The following ADAMTS20 variants were observed in gnomAD, a reference collection of about 807,000 sequenced individuals.
ADAMTS20 encodes ADAM metallopeptidase with thrombospondin type 1 motif 20, also known as A disintegrin and metalloproteinase with thrombospondin motifs 20.
A neutral mutation model predicts 260.1 loss-of-function variants in ADAMTS20; 225 were observed. The observed-to-expected ratio is 0.87, with a 90% CI of 0.78 to 0.97. The LOEUF (loss-of-function observed/expected upper bound fraction) is 0.97, where lower values mean the gene tolerates loss of function less well. Ranked by LOEUF, ADAMTS20 falls within the 50% of genes least tolerant of loss-of-function variation. The pLI, the probability that ADAMTS20 is intolerant of heterozygous loss-of-function variation, is 0.00. For synonymous variants in ADAMTS20, 802 were observed against 769.5 expected (o/e 1.04, Z -0.70); for missense variants, 2,400 against 2,337.7 (o/e 1.03, Z -0.55).
At chr12:43,466,597 A>G (rs1251384913) in intron 9 of ADAMTS20, 55 bp downstream of exon 9, 3 of 1,522,960 alleles carry the variant, frequency 2.0e-6, no homozygotes, top group African/African-American at 1.4e-5. Context: ...AAAAATATCA[A>G]TTTCAAATCT....
intron 3 of ADAMTS20, among the ~76,000 whole-genome samples, chr12:43,526,221 C>T (rs2132090): frequency 0.094 from 14,291 of 152,136 alleles, 798 homozygotes; most frequent in Middle Eastern, 0.12. Context: ...TACGGGAGGC[C>T]GAGGTGGGTG....
intron 27 of ADAMTS20, among the ~76,000 whole-genome samples, chr12:43,426,164 A>G (rs901280132): frequency 2.0e-5 from 3 of 152,190 alleles, no homozygotes; most frequent in Admixed American, 6.5e-5. Context: ...TAATATAAAA[A>G]CAGCAAATAA....
chr12:43,369,476 T>C (rs2137199366), intron 36 of ADAMTS20, 95 bp from the exon 37 acceptor site: 1 of 468,518 alleles, frequency 2.1e-6, no homozygotes, highest in Admixed American at 4.8e-5. Flanking sequence ...TTAGTAAATA[T>C]ACATATTTAT....
At chr12:43,526,618 T>C (rs541473465) in intron 3 of ADAMTS20, among the ~76,000 whole-genome samples, 1 of 152,152 alleles carries the variant, frequency 6.6e-6, no homozygotes, top group Non-Finnish European at 1.5e-5. Context: ...AGATGGAAAT[T>C]CATAAACTAT....
At chr12:43,398,712 C>T (rs1406761744) in intron 29 of ADAMTS20, among the ~76,000 whole-genome samples, 2 of 152,092 alleles carry the variant, frequency 1.3e-5, no homozygotes, top group Non-Finnish European at 2.9e-5. Flanking sequence ...TTTATAGTCA[C>T]AAAAATCAAA....
chr12:43,551,780 C>CG lies in ADAMTS20; in HGVS notation c.91+50dup. 6.3e-7 allele frequency: 1 copy of CG among 1,586,326 alleles called. No individual in the cohort carries two copies. The highest frequency in any genetic ancestry group is 8.6e-7 in the Non-Finnish European group (1 of 1,157,686). Reference sequence around the variant, plus strand: ...GTCCCCGCGACCTGCATGTCCCACTCGGGCCCCGCGCCCCCACTTAGCCGC... The same window carrying CG: ...GTCCCCGCGACCTGCATGTCCCACTCGGGGCCCCGCGCCCCCACTTAGCCGC... On this transcript the variant is annotated intron_variant, in intron 1 of 38. Coordinates refer to ENST00000389420, the MANE Select transcript of ADAMTS20 (RefSeq NM_025003.5). This position sits in a 1 kb window ranked among gnomAD's most constrained non-coding sequence, Gnocchi z 4.6.
At position 43,551,352 on chromosome 12, in the gene ADAMTS20, G is replaced by T. The variant is rs1943514059; in HGVS notation, c.92-82C>A. On this transcript the variant is annotated intron_variant, in intron 1 of 38. Coordinates refer to ENST00000389420, the MANE Select transcript of ADAMTS20 (RefSeq NM_025003.5). This position sits in a 1 kb window ranked among gnomAD's most constrained non-coding sequence, Gnocchi z 4.6. Reference sequence around the variant, plus strand: ...TAAACTTCTTCCACCAAACGTCCCCGCTAAAGGTCCCAGGTCCCAGTACAG... The same window carrying T: ...TAAACTTCTTCCACCAAACGTCCCCTCTAAAGGTCCCAGGTCCCAGTACAG... 2.0e-6 allele frequency: 3 copies of T among 1,519,514 alleles called. No homozygotes were observed. 94.1% of individuals were successfully genotyped at this position (1,519,514 alleles called of 1,614,324 possible).
chr12:43,417,390 T>G (rs533364223), intron 28 of ADAMTS20, among the ~76,000 whole-genome samples: 59 of 152,304 alleles, frequency 3.9e-4, no homozygotes, highest in African/African-American at 1.4e-3. Context: ...TATAATAATG[T>G]ATAAGAGTTT....
intron 4 of ADAMTS20, among the ~76,000 whole-genome samples, chr12:43,496,840 TAC>T (rs1288148507): frequency 2.0e-5 from 3 of 151,804 alleles, no homozygotes; most frequent in South Asian, 2.1e-4. Flanking sequence ...CTAACACACA[TAC>T]ACACACACAC....
intron 10 of ADAMTS20, 70 bp downstream of exon 10, chr12:43,464,521 A>C: frequency 6.5e-7 from 1 of 1,533,104 alleles, no homozygotes; most frequent in Non-Finnish European, 8.8e-7. Context: ...GAATAAACAC[A>C]TTTTGAAATA....
At chr12:43,408,911 T>C (rs1041739303) in intron 28 of ADAMTS20, among the ~76,000 whole-genome samples, 3 of 151,978 alleles carry the variant, frequency 2.0e-5, no homozygotes, top group African/African-American at 7.2e-5. Flanking sequence ...GAAGCTATGA[T>C]AATAATAACA....
intron 2 of ADAMTS20, among the ~76,000 whole-genome samples, chr12:43,544,770 T>C (rs917777256): frequency 4.6e-5 from 7 of 152,324 alleles, no homozygotes; most frequent in African/African-American, 1.7e-4. Flanking sequence ...CATTGCCTTT[T>C]TTGGTTAACA....
chr12:43,389,692 T>TTTTTTG (rs967607133), intron 29 of ADAMTS20, among the ~76,000 whole-genome samples: 3 of 151,812 alleles, frequency 2.0e-5, no homozygotes, highest in South Asian at 4.2e-4. Flanking sequence ...CAGCCAGGTT[T>TTTTTTG]TTTTTGTTTT....
At chr12:43,496,597 A>C (rs1212721071) in intron 4 of ADAMTS20, among the ~76,000 whole-genome samples, 1 of 152,188 alleles carries the variant, frequency 6.6e-6, no homozygotes, top group Admixed American at 6.5e-5. Context: ...AGTAGCTACA[A>C]GCTAGTTGTT....
chr12:43,370,554 T>C (rs888797687), intron 36 of ADAMTS20, among the ~76,000 whole-genome samples: 7 of 152,208 alleles, frequency 4.6e-5, no homozygotes, highest in African/African-American at 9.7e-5. Flanking sequence ...GCCAGTTTCA[T>C]CAGCCAATTA....
chr12:43,417,914 G>A (rs1444165988), intron 28 of ADAMTS20, among the ~76,000 whole-genome samples: 1 of 152,148 alleles, frequency 6.6e-6, no homozygotes, highest in Admixed American at 6.5e-5. Flanking sequence ...TGCACACTGA[G>A]GAAGATATAT....
chr12:43,379,986 C>CA (rs60877406), intron 31 of ADAMTS20, among the ~76,000 whole-genome samples: 32,843 of 143,986 alleles, frequency 0.23, 4,181 homozygotes, highest in African/African-American at 0.35. Flanking sequence ...ACAGACATCA[C>CA]AAAAAAAAAA....
At chr12:43,421,927 G>C (rs1166559294) in intron 28 of ADAMTS20, among the ~76,000 whole-genome samples, 1 of 151,810 alleles carries the variant, frequency 6.6e-6, no homozygotes, top group Non-Finnish European at 1.5e-5. Flanking sequence ...ACCACCGAAA[G>C]AAAGGAGGCA....
intron 3 of ADAMTS20, among the ~76,000 whole-genome samples, chr12:43,521,933 C>T (rs561157672): frequency 4.2e-4 from 64 of 152,058 alleles, no homozygotes; most frequent in South Asian, 3.1e-3. Flanking sequence ...AATCTTTATA[C>T]GTTCTGTAAC....
Sources: gnomAD v4.1 joint callset for allele counts (sites outside exome capture counted in the v4.1 genomes callset) on GRCh38, gnomAD v4.1.1 for gene constraint, Gnocchi (gnomAD v3.1) non-coding constraint, MANE v1.5 for transcripts, NCBI Gene and HGNC (gene_info 2026-07-23, HGNC 2026-07-21) for gene names.